GLT1D1: variants seen among roughly 807,000 people sequenced by gnomAD.
GLT1D1 encodes glycosyltransferase 1 domain-containing protein 1.
In GLT1D1, 21 loss-of-function variants were observed where a neutral mutation model predicts 28.7. The observed-to-expected ratio is 0.73, with a 90% CI of 0.52 to 1.05. The LOEUF (loss-of-function observed/expected upper bound fraction) is 1.05, where lower values mean the gene tolerates loss of function less well. Ranked by LOEUF, GLT1D1 falls within the 50% of genes least tolerant of loss-of-function variation. The probability of loss-of-function intolerance (pLI) is 0.00; values close to 1 mark genes in which losing one functional copy is unlikely to be tolerated. For synonymous variants in GLT1D1, 147 were observed against 124.8 expected, an observed-to-expected ratio of 1.18 and a Z score of -1.19; for missense variants, 343 against 330.6, an observed-to-expected ratio of 1.04 and a Z score of -0.29.
At chr12:128,957,024 G>C (rs1400584079) in intron 6 of GLT1D1, among the ~76,000 whole-genome samples, 1 of 152,226 alleles carries the variant, frequency 6.6e-6, no homozygotes, top group East Asian at 1.9e-4. Flanking sequence ...CAGGCTGTGG[G>C]GCATCAGGCA....
intron 6 of GLT1D1, among the ~76,000 whole-genome samples, chr12:128,956,650 A>G (rs1041261166): frequency 6.6e-6 from 1 of 152,174 alleles, no homozygotes; most frequent in Admixed American, 6.5e-5. Flanking sequence ...TCTTCTATCT[A>G]CACTTATTAT....
At chr12:128,918,777 C>T (rs1232715849) in intron 4 of GLT1D1, among the ~76,000 whole-genome samples, 2 of 152,188 alleles carry the variant, frequency 1.3e-5, no homozygotes, top group Admixed American at 6.5e-5. Context: ...GACGCAATGG[C>T]GTTGTAACTA....
At chr12:128,932,601 A>G (rs1311497565) in intron 4 of GLT1D1, among the ~76,000 whole-genome samples, 2 of 152,174 alleles carry the variant, frequency 1.3e-5, no homozygotes, top group Admixed American at 6.5e-5. Flanking sequence ...CCCTTTGGTT[A>G]TGGATTTGTT....
intron 4 of GLT1D1, chr12:128,906,783 C>A: frequency 3.6e-4 from 143 of 397,882 alleles, no homozygotes; most frequent in East Asian, 5.7e-4. Flanking sequence ...AATTTATCTA[C>A]TTTGCCTTGG....
chr12:128,903,417 G>A (rs1372078686), intron 4 of GLT1D1, among the ~76,000 whole-genome samples: 1 of 151,732 alleles, frequency 6.6e-6, no homozygotes, highest in Non-Finnish European at 1.5e-5. Context: ...CAACTCAGCG[G>A]GTGGAGATAC....
intron 1 of GLT1D1, among the ~76,000 whole-genome samples, chr12:128,872,187 G>A (rs546945275): frequency 6.2e-4 from 94 of 151,820 alleles, no homozygotes; most frequent in African/African-American, 2.0e-3. Context: ...CTCCTGATCC[G>A]CCTACCTCGG....
chr12:128,953,179 C>T (rs1373390556), intron 6 of GLT1D1, among the ~76,000 whole-genome samples: 1 of 152,112 alleles, frequency 6.6e-6, no homozygotes, highest in Non-Finnish European at 1.5e-5. Context: ...CTGTGTTCTC[C>T]TTTTGTTGTT....
rs546061691 is a variant in GLT1D1, at chr12:128,956,642, T to C, written c.541-903T>C. Reference sequence around the variant, plus strand: ...AAGTGATGATTTTCTAATTCCGCTCTTCTATCTACACTTATTATATGTGCA... The same window carrying C: ...AAGTGATGATTTTCTAATTCCGCTCCTCTATCTACACTTATTATATGTGCA... On this transcript the variant is annotated intron_variant, in intron 6 of 7. Transcript: ENST00000281703. 5.3e-5 allele frequency among the ~76,000 whole-genome samples: 8 copies of C among 152,204 alleles called. No homozygotes were observed. In the South Asian group the frequency reaches 1.7e-3, roughly 32 times the overall value.
At chr12:128,943,515 A>G (rs1016367970) in intron 4 of GLT1D1, among the ~76,000 whole-genome samples, 1 of 152,198 alleles carries the variant, frequency 6.6e-6, no homozygotes, top group Admixed American at 6.5e-5. Context: ...TTTTGTTGAA[A>G]ATTCATTCAA....
chr12:128,934,892 T>A (rs1874380188), intron 4 of GLT1D1, among the ~76,000 whole-genome samples: 1 of 151,792 alleles, frequency 6.6e-6, no homozygotes, highest in Non-Finnish European at 1.5e-5. Context: ...TGGAAGTCTC[T>A]GTCATTCTCT....
chr12:128,919,180 T>C (rs1872403356), intron 4 of GLT1D1, among the ~76,000 whole-genome samples: 2 of 152,176 alleles, frequency 1.3e-5, no homozygotes, highest in Admixed American at 1.3e-4. Context: ...AACCTTACTC[T>C]ATCTTCCCTT....
At chr12:128,897,794 G>A (rs929257332) in intron 3 of GLT1D1, among the ~76,000 whole-genome samples, 14 of 151,784 alleles carry the variant, frequency 9.2e-5, no homozygotes, top group African/African-American at 3.4e-4. Flanking sequence ...TCAGCCTCCC[G>A]AGTAGCTGGG....
At chr12:128,871,835 G>C (rs1181588932) in intron 1 of GLT1D1, among the ~76,000 whole-genome samples, 1 of 151,944 alleles carries the variant, frequency 6.6e-6, no homozygotes, top group Non-Finnish European at 1.5e-5. Flanking sequence ...CTATTTCATT[G>C]CTGGAATTAC....
intron 6 of GLT1D1, among the ~76,000 whole-genome samples, chr12:128,951,476 TTTTG>T (rs887017479): frequency 6.6e-5 from 10 of 152,322 alleles, no homozygotes; most frequent in East Asian, 1.9e-4. Flanking sequence ...TTGCCAGTTT[TTTTG>T]TTTGTTTGTT....
chr12:128,903,735 T>C (rs1247376755), intron 4 of GLT1D1, among the ~76,000 whole-genome samples: 1 of 151,612 alleles, frequency 6.6e-6, no homozygotes, highest in Non-Finnish European at 1.5e-5. Context: ...TAAATATTTT[T>C]ATTTTTATTT....
At chr12:128,857,735 T>G (rs1956258120) in intron 1 of GLT1D1, among the ~76,000 whole-genome samples, 1 of 152,254 alleles carries the variant, frequency 6.6e-6, no homozygotes, top group African/African-American at 2.4e-5. Context: ...GGAGTTCCCA[T>G]CAGCCTGGCA....
intron 4 of GLT1D1, among the ~76,000 whole-genome samples, chr12:128,942,535 T>A (rs1296754569): frequency 6.6e-6 from 1 of 152,082 alleles, no homozygotes; most frequent in Non-Finnish European, 1.5e-5. Flanking sequence ...GAAAAGATTT[T>A]TAAAGGCAAT....
chr12:128,877,730 T>G (rs947708327), intron 2 of GLT1D1, among the ~76,000 whole-genome samples: 1 of 152,262 alleles, frequency 6.6e-6, no homozygotes, highest in Non-Finnish European at 1.5e-5. Flanking sequence ...GATTATCTAT[T>G]ATTACATAAC....
chr12:128,945,716 A>C (rs1009641876), intron 5 of GLT1D1, among the ~76,000 whole-genome samples: 3 of 152,242 alleles, frequency 2.0e-5, no homozygotes, highest in East Asian at 1.9e-4. Context: ...TTTGTCGGCC[A>C]GGAACCCAAC....
Sources: allele counts gnomAD v4.1 joint callset (sites outside exome capture counted in the v4.1 genomes callset), GRCh38; gene constraint gnomAD v4.1.1; transcripts MANE v1.5; gene names NCBI Gene and HGNC (gene_info 2026-07-23, HGNC 2026-07-21).